Variants in SRGAP2 observed in about 807,000 individuals in gnomAD.
SRGAP2 encodes SLIT-ROBO Rho GTPase activating protein 2, also known as SLIT-ROBO Rho GTPase-activating protein 2.
SRGAP2 carries 15 observed loss-of-function variants against 57.2 expected under a neutral mutation model. That is an observed-to-expected ratio of 0.26 (90% confidence interval 0.18 to 0.40). The LOEUF (loss-of-function observed/expected upper bound fraction) is 0.40. SRGAP2 is among the 10% of genes least tolerant of loss of function. The pLI is 1.00. For synonymous variants in SRGAP2, 249 were observed against 248.0 expected (o/e 1.00, Z -0.04); for missense variants, 520 against 669.6 (o/e 0.78, Z 2.47).
At chr1:206,423,999 C>T (rs1303154706) in intron 13 of SRGAP2, among the ~76,000 whole-genome samples, 3 of 139,858 alleles carry the variant, frequency 2.1e-5, no homozygotes, top group African/African-American at 5.4e-5. Context: ...CACCATGTTG[C>T]GCAGGCTGGT....
intron 13 of SRGAP2, among the ~76,000 whole-genome samples, chr1:206,428,435 A>G (rs1195599147): frequency 2.6e-5 from 4 of 151,896 alleles, no homozygotes; most frequent in Non-Finnish European, 4.4e-5. Flanking sequence ...AAAAAAAAAA[A>G]AAAGAAAAAG....
chr1:206,335,060 C>T (rs1366984640), intron 3 of SRGAP2, among the ~76,000 whole-genome samples: 1 of 149,852 alleles, frequency 6.7e-6, no homozygotes, highest in Non-Finnish European at 1.5e-5. Flanking sequence ...TTATGTTCCT[C>T]GGTCATTGAT....
At chr1:206,460,728 T>C (rs1372067586) in intron 22 of SRGAP2, among the ~76,000 whole-genome samples, 2 of 152,190 alleles carry the variant, frequency 1.3e-5, no homozygotes, top group African/African-American at 4.8e-5. Flanking sequence ...TCCGTGTTTC[T>C]CTTCCCCACT....
Position 206,254,277 on chromosome 1 carries a change from C to G in SRGAP2, c.67+48240C>G, listed in dbSNP as rs577536232. ...CCCAACACCCGGATTAAACAGTTAT[C>G]TCAATTTTGCCAGACTTGTTTCATC... is the stretch of plus-strand genomic sequence containing the variant. On this transcript the variant is annotated intron_variant, in intron 2 of 22. Transcript: ENST00000573034. 3.0e-5 allele frequency among the ~76,000 whole-genome samples: 4 copies of G among 133,352 alleles called. No individual in the cohort carries two copies. In the East Asian group the frequency reaches 6.8e-4, roughly 23 times the overall value. The allele number at this position is 133,352 out of a possible 152,430, so 87.5% of individuals were successfully genotyped here.
rs1393349440 is a variant in SRGAP2, at chr1:206,447,190, C to T, written c.2099+891C>T. 2.6e-5 allele frequency among the ~76,000 whole-genome samples: 4 copies of T among 151,658 alleles called. 1 individual carries two copies. Among genetic ancestry groups the T allele is most frequent in the African/African-American group, 9.7e-5 (4 of 41,396 alleles). On this transcript the variant is annotated intron_variant, in intron 18 of 22. Coordinates refer to ENST00000573034, the MANE Select transcript of SRGAP2 (RefSeq NM_015326.5). ...CGTCCCTTACCTCCCCCTCCTCCTC[C>T]CCCTCCCTTCTTCCCCTAAATAGTA...
chr1:206,437,431 G>T (rs1403862543), intron 15 of SRGAP2, among the ~76,000 whole-genome samples: 1 of 152,164 alleles, frequency 6.6e-6, no homozygotes, highest in Non-Finnish European at 1.5e-5. Context: ...GCAAGCTTTG[G>T]CAATTTCCGT....
chr1:206,296,750 ATAGAG>A (rs1432721546), intron 2 of SRGAP2: 6 of 151,882 alleles, frequency 4.0e-5, no homozygotes, highest in Non-Finnish European at 8.8e-5. Context: ...GCCTTACTTA[ATAGAG>A]TAAAGTAATG....
chr1:206,444,167 C>G (rs192120072), intron 17 of SRGAP2, among the ~76,000 whole-genome samples: 8 of 149,804 alleles, frequency 5.3e-5, no homozygotes, highest in African/African-American at 2.0e-4. Flanking sequence ...CCCAGACAGG[C>G]GACTCCGTCT....
intron 17 of SRGAP2, among the ~76,000 whole-genome samples, chr1:206,444,409 C>G (rs1662576970): frequency 6.6e-6 from 1 of 152,204 alleles, no homozygotes; most frequent in Admixed American, 6.5e-5. Context: ...TCTTCATCTT[C>G]CACAGAGCTT....
Position 206,454,039 on chromosome 1 carries a change from A to C in SRGAP2, c.2360+659A>C. The C allele has an allele frequency of 1.4e-6, 1 of 690,144 alleles. No homozygotes were observed. Among genetic ancestry groups the C allele is most frequent in the South Asian group, 1.5e-5 (1 of 65,334 alleles). The allele number at this position is 690,144 out of a possible 1,614,324, so 42.8% of individuals were successfully genotyped here. ...AAGCAGTTGTCCCGTGGGCCCACCC[A>C]AGCCTGCCCCCTGTCCGTTTGCCCT... is the stretch of plus-strand genomic sequence containing the variant. On this transcript the variant is annotated intron_variant, in intron 20 of 22. Coordinates refer to ENST00000573034, the MANE Select transcript of SRGAP2 (RefSeq NM_015326.5). The surrounding 1 kb of genome is among the most constrained non-coding windows in gnomAD (Gnocchi z 4.3).
At chr1:206,334,452 A>AT (rs1202789351) in intron 3 of SRGAP2, among the ~76,000 whole-genome samples, 2 of 151,706 alleles carry the variant, frequency 1.3e-5, no homozygotes, top group African/African-American at 4.8e-5. Flanking sequence ...CAAGAATTTT[A>AT]TTTTTTTCCC....
At chr1:206,372,995 TTCTTTCTTTC>T (rs1654806634) in intron 4 of SRGAP2, among the ~76,000 whole-genome samples, 1 of 116,040 alleles carries the variant, frequency 8.6e-6, no homozygotes, top group Admixed American at 9.3e-5. Flanking sequence ...CTTTCTTTCT[TTCTTTCTTTC>T]TTTCTTTCTT....
chr1:206,204,258 GGCAGCCTTCTCCTTGCC>G (rs1424862511), intron 1 of SRGAP2: 12 of 479,450 alleles, frequency 2.5e-5, no homozygotes, highest in Non-Finnish European at 4.6e-5. Flanking sequence ...TCACCTCTAA[GGCAGCCTTCTCCTTGCC>G]GCCTCCCGCC....
intron 5 of SRGAP2, among the ~76,000 whole-genome samples, chr1:206,385,743 G>C (rs1656163762): frequency 6.6e-6 from 1 of 152,114 alleles, no homozygotes. Context: ...GTCTGCAGAG[G>C]GCCGAGCTGC....
At chr1:206,227,070 TG>T (rs1309971326) in intron 2 of SRGAP2, among the ~76,000 whole-genome samples, 1 of 151,990 alleles carries the variant, frequency 6.6e-6, no homozygotes, top group Non-Finnish European at 1.5e-5. Context: ...GGGAACCTCT[TG>T]GGCTCTGTTC....
chr1:206,383,300 C>T (rs187600742), intron 4 of SRGAP2, among the ~76,000 whole-genome samples: 4 of 151,568 alleles, frequency 2.6e-5, no homozygotes, highest in Admixed American at 2.6e-4. Flanking sequence ...GCCGGGATTA[C>T]AGGTGTGAGC....
chr1:206,269,135 G>A (rs1458241430), intron 2 of SRGAP2, among the ~76,000 whole-genome samples: 18 of 149,918 alleles, frequency 1.2e-4, no homozygotes, highest in East Asian at 1.2e-3. Context: ...GGAATACTAC[G>A]TATATAATGA....
intron 3 of SRGAP2, among the ~76,000 whole-genome samples, chr1:206,331,788 G>A (rs1448839950): frequency 9.0e-6 from 1 of 110,546 alleles, no homozygotes; most frequent in African/African-American, 5.3e-5. Flanking sequence ...TCTTTTAAGT[G>A]GAGAATTTAG....
rs552794565 is a variant in SRGAP2, at chr1:206,268,340, GT to G, written c.68-34931del. ...TATGAATGAGAACATGCCGTGTTTG[GT>G]TTTTTTTTTCCTTGCGATAGTTTGC... is the stretch of plus-strand genomic sequence containing the variant. On this transcript the variant is annotated intron_variant, in intron 2 of 22. Transcript: ENST00000573034. Among the ~76,000 whole-genome samples, 1,010 of 129,242 alleles carry G rather than the reference GT, an allele frequency of 7.8e-3. 5 individuals carry two copies. Among genetic ancestry groups the G allele is most frequent in the African/African-American group, 0.013 (417 of 32,268 alleles). The allele number at this position is 129,242 out of a possible 152,430, so 84.8% of individuals were successfully genotyped here. A position where few individuals can be genotyped will look rare whatever the true frequency, so the allele number is the denominator to read the frequency against.
Sources: allele counts gnomAD v4.1 joint callset (sites outside exome capture counted in the v4.1 genomes callset), GRCh38; gene constraint gnomAD v4.1.1; non-coding constraint Gnocchi (gnomAD v3.1); transcripts MANE v1.5; gene names NCBI Gene and HGNC (gene_info 2026-07-23, HGNC 2026-07-21).